NBEA: variants seen among roughly 807,000 people sequenced by gnomAD.
The protein encoded by NBEA is lysosomal-trafficking regulator 2.
NBEA carries 44 observed loss-of-function variants against 343.4 expected under a neutral mutation model. That is an observed-to-expected ratio of 0.13 (90% CI 0.10 to 0.16). The LOEUF is 0.16. Among genes scored for constraint, NBEA ranks in the 10% least tolerant of loss-of-function variants. The pLI is 1.00. For missense variants in NBEA, 2,555 were observed against 3,631.3 expected, an observed-to-expected ratio of 0.70 and a Z score of 7.62; for synonymous variants, 1,175 against 1,238.7, an observed-to-expected ratio of 0.95 and a Z score of 1.08.
intron 44 of NBEA, among the ~76,000 whole-genome samples, chr13:35,566,009 G>A (rs1472059879): frequency 6.6e-6 from 1 of 152,116 alleles, no homozygotes; most frequent in Non-Finnish European, 1.5e-5. Flanking sequence ...CTTGATATAA[G>A]TTTAACATAG....
intron 11 of NBEA, among the ~76,000 whole-genome samples, chr13:35,103,098 A>T (rs968004367): frequency 1.3e-5 from 2 of 151,764 alleles, no homozygotes; most frequent in Non-Finnish European, 3.0e-5. Context: ...TTTATATAAC[A>T]TCTTTTCTGT....
chr13:35,595,968 T>C (rs2081778216), intron 47 of NBEA, among the ~76,000 whole-genome samples: 1 of 152,090 alleles, frequency 6.6e-6, no homozygotes, highest in Non-Finnish European at 1.5e-5. Context: ...CATTTTTCAG[T>C]TGGGTCACAT....
chr13:35,211,859 G>A (rs1302684052), intron 33 of NBEA, among the ~76,000 whole-genome samples: 1 of 141,668 alleles, frequency 7.1e-6, no homozygotes, highest in Non-Finnish European at 1.6e-5. Context: ...AACAAACTAA[G>A]TAACTTTCAA....
chr13:35,180,284 A>G (rs187509153), intron 28 of NBEA, among the ~76,000 whole-genome samples: 62 of 151,928 alleles, frequency 4.1e-4, no homozygotes, highest in Admixed American at 3.8e-3. Context: ...TACCTAGCTT[A>G]TAAAAGAAGT....
chr13:35,334,004 G>A (rs1032256402), intron 36 of NBEA, among the ~76,000 whole-genome samples: 8 of 151,878 alleles, frequency 5.3e-5, no homozygotes, highest in African/African-American at 9.7e-5. Flanking sequence ...TGCAACAGAC[G>A]TAAGAGTGTA....
rs76985568 is a variant in NBEA at position 35,583,131 on chromosome 13, T to C, written c.7036-767T>C. On this transcript the variant is annotated intron_variant, in intron 45 of 58. Coordinates refer to ENST00000379939, the MANE Select transcript of NBEA (RefSeq NM_001385012.1). ...AAAAACTGAAGCTAAGGCAGTTTGC[T>C]ATTTGAAATCATGAAGATGGTATGC... Among the ~76,000 whole-genome samples, 887 of 152,314 alleles carry C rather than the reference T, an allele frequency of 5.8e-3. 4 individuals carry two copies. The highest frequency in any genetic ancestry group is 0.02 in the African/African-American group (852 of 41,572).
At chr13:35,058,685 A>G in intron 7 of NBEA, 32 bp from the exon 8 acceptor site, 2 of 1,523,934 alleles carry the variant, frequency 1.3e-6, no homozygotes, top group Non-Finnish European at 1.8e-6. Flanking sequence ...CATTAAAAAT[A>G]ATGCATTTTT....
chr13:35,454,313 CATTTTTAG>C (rs2046451242), intron 40 of NBEA, among the ~76,000 whole-genome samples: 1 of 152,130 alleles, frequency 6.6e-6, no homozygotes, highest in East Asian at 1.9e-4. Flanking sequence ...ACATAAAATT[CATTTTTAG>C]AACTTTGTTA....
intron 28 of NBEA, 81 bp from the exon 29 acceptor site, chr13:35,182,277 TAA>T: frequency 3.2e-6 from 4 of 1,245,556 alleles, no homozygotes; most frequent in Non-Finnish European, 4.3e-6. Flanking sequence ...TCCATAAAGA[TAA>T]TAAAATAGCA....
At chr13:35,043,700 AATT>A (rs1414468373) in intron 2 of NBEA, among the ~76,000 whole-genome samples, 1 of 151,962 alleles carries the variant, frequency 6.6e-6, no homozygotes, top group African/African-American at 2.4e-5. Context: ...AAAATTATTT[AATT>A]ATTAATTGAT....
chr13:35,546,555 A>ATT (rs558048686), intron 41 of NBEA, among the ~76,000 whole-genome samples: 78 of 143,724 alleles, frequency 5.4e-4, no homozygotes, highest in African/African-American at 1.9e-3. Context: ...ATTATTATTA[A>ATT]TTTTTTTTTT....
chr13:34,995,831 A>C (rs1396371820), intron 1 of NBEA, among the ~76,000 whole-genome samples: 3 of 152,226 alleles, frequency 2.0e-5, no homozygotes, highest in African/African-American at 7.2e-5. Flanking sequence ...GGCCTCCTGC[A>C]AATTTTATTT....
chr13:35,071,009 C>A, intron 10 of NBEA, 157 bp downstream of exon 10: 4 of 651,046 alleles, frequency 6.1e-6, no homozygotes, highest in Non-Finnish European at 9.0e-6. Flanking sequence ...GATATTTATA[C>A]AATAAATAAA....
chr13:35,018,795 A>T (rs2061738093), intron 1 of NBEA, among the ~76,000 whole-genome samples: 1 of 152,194 alleles, frequency 6.6e-6, no homozygotes, highest in Non-Finnish European at 1.5e-5. Context: ...AGAAGTAGTC[A>T]GAGAGAACAT....
intron 41 of NBEA, among the ~76,000 whole-genome samples, chr13:35,479,972 GTA>G (rs1230881347): frequency 6.7e-6 from 1 of 149,338 alleles, no homozygotes; most frequent in African/African-American, 2.5e-5. Context: ...ATATTGAATG[GTA>G]TTTAGAATTT....
At chr13:35,558,513 G>A (rs1593219715) in intron 44 of NBEA, among the ~76,000 whole-genome samples, 1 of 152,202 alleles carries the variant, frequency 6.6e-6, no homozygotes, top group South Asian at 2.1e-4. Flanking sequence ...CAGCAGGTAT[G>A]GCAAAAAGAG....
At chr13:35,211,278 G>T (rs567890478) in intron 33 of NBEA, 99 bp downstream of exon 33, 18 of 1,057,728 alleles carry the variant, frequency 1.7e-5, no homozygotes, top group Admixed American at 1.2e-4. Context: ...GAGAATGAAG[G>T]TTAATTATTT....
intron 8 of NBEA, among the ~76,000 whole-genome samples, chr13:35,059,870 T>C (rs1303800388): frequency 6.6e-6 from 1 of 151,744 alleles, no homozygotes; most frequent in Non-Finnish European, 1.5e-5. Flanking sequence ...AATAATGCTA[T>C]TATTTTTATG....
At chr13:35,458,990 T>C (rs1349081747) in intron 40 of NBEA, among the ~76,000 whole-genome samples, 1 of 144,574 alleles carries the variant, frequency 6.9e-6, no homozygotes, top group African/African-American at 2.7e-5. Flanking sequence ...GGTAAGTTTA[T>C]ATTTCTTTAC....
Sources: gnomAD v4.1 joint callset for allele counts (sites outside exome capture counted in the v4.1 genomes callset) on GRCh38, gnomAD v4.1.1 for gene constraint, MANE v1.5 for transcripts, NCBI Gene and HGNC (gene_info 2026-07-23, HGNC 2026-07-21) for gene names.